ABHD14A: variants seen among roughly 807,000 people sequenced by gnomAD.
The protein encoded by ABHD14A is abhydrolase domain containing 14A.
Under a neutral mutation model 27.0 loss-of-function variants are expected in ABHD14A, and 19 were observed. The ratio of observed to expected loss-of-function variants is 0.70; its 90% CI spans 0.49 to 1.03. The LOEUF (loss-of-function observed/expected upper bound fraction) is 1.03. Among genes scored for constraint, ABHD14A ranks in the 50% least tolerant of loss-of-function variants. ABHD14A has a pLI of 0.00. For synonymous variants in ABHD14A, 148 were observed against 158.8 expected (o/e 0.93, Z 0.51); for missense variants, 311 against 344.6 (o/e 0.90, Z 0.77).
At chr3:51,976,698 A>C (rs764590882) in intron 1 of ABHD14A, among the ~76,000 whole-genome samples, 1 of 151,994 alleles carries the variant, frequency 6.6e-6, no homozygotes, top group Non-Finnish European at 1.5e-5. Context: ...TAAAATAAAG[A>C]TGTGTTTGCT....
Position 51,981,165 on chromosome 3 carries a change from C to A in ABHD14A, c.*147C>A. On this transcript the variant is annotated 3_prime_UTR_variant, in exon 5 of 5. Coordinates refer to ENST00000273596, the MANE Select transcript of ABHD14A (RefSeq NM_015407.5). ...GACTCCTCATTTCATCTCACAGACACAATAAAAAAGCATATTTGTCCTGCC... is the reference window on the plus strand; with the variant it reads ...GACTCCTCATTTCATCTCACAGACAAAATAAAAAAGCATATTTGTCCTGCC... The A allele has an allele frequency of 1.2e-6, 1 of 839,088 alleles. No individual in the cohort carries two copies. The highest frequency in any genetic ancestry group is 1.8e-6 in the Non-Finnish European group (1 of 550,294). 52.0% of individuals were successfully genotyped at this position (839,088 alleles called of 1,614,324 possible).
chr3:51,980,201 C>T (rs930350818), intron 3 of ABHD14A, 192 bp from the exon 4 acceptor site: 42 of 689,712 alleles, frequency 6.1e-5, no homozygotes, highest in African/African-American at 5.3e-4. Context: ...GGATTACAGG[C>T]GTGAGCCACC....
intron 1 of ABHD14A, 100 bp downstream of exon 1, chr3:51,975,304 A>G: frequency 8.9e-7 from 1 of 1,128,788 alleles, no homozygotes; most frequent in Non-Finnish European, 1.1e-6. Flanking sequence ...CCCGCGGAAG[A>G]AGCAGACGCT....
rs752344825 is a variant in ABHD14A, at chr3:51,980,543, G to A, written c.548G>A (p.Arg183Gln). ...CACTATGCCCTGCCCTTCCTGATGC[G>A]AGGCCACCACCAGCTACATGGATTT... The part of the protein sequence containing the change: ...SGHYALPFLM[R>Q]GHHQLHGFVP... The change falls in exon 4 of 5, where the codon CGA becomes CAA. Residue 183 changes from arginine (R) to glutamine (Q), a missense_variant. Coordinates refer to ENST00000273596, the MANE Select transcript of ABHD14A (RefSeq NM_015407.5). 1.9e-5 allele frequency: 30 copies of A among 1,614,000 alleles called. No homozygotes were observed. Among genetic ancestry groups the A allele is most frequent in the South Asian group, 3.3e-5 (3 of 91,084 alleles).
intron 3 of ABHD14A, chr3:51,978,834 C>T (rs1199317245): frequency 4.4e-6 from 1 of 228,806 alleles, no homozygotes; most frequent in South Asian, 4.0e-5. Context: ...TCAGGTGATT[C>T]GCCTGCCTCG....
intron 3 of ABHD14A, among the ~76,000 whole-genome samples, chr3:51,980,072 G>A (rs546677677): frequency 6.6e-5 from 10 of 152,098 alleles, no homozygotes; most frequent in East Asian, 5.8e-4. Flanking sequence ...ACAGGTGCCC[G>A]CCACCTCGCC....
Position 51,977,934 on chromosome 3 carries a change from A to G in ABHD14A, c.133A>G (p.Met45Val). The change falls in exon 2 of 5, where the codon ATG (methionine) becomes GTG (valine). Residue 45 changes from methionine to valine, a missense_variant. Physicochemically the swap from Met to Val is conservative, Grantham distance 21. Transcript: ENST00000273596. ...CCTGCTGGGCCTGAGTCTGCTGCTCATGCTCCTACTGTATGTGGGGCTGCC... is the reference window on the plus strand; with the variant it reads ...CCTGCTGGGCCTGAGTCTGCTGCTCGTGCTCCTACTGTATGTGGGGCTGCC... ...VALLGLSLLLMLLLYVGLPGP... is the reference protein window; with the variant it reads ...VALLGLSLLLVLLLYVGLPGP... 6 of 1,614,126 alleles carry G rather than the reference A, an allele frequency of 3.7e-6. No individual in the cohort carries two copies. Among genetic ancestry groups the G allele is most frequent in the Non-Finnish European group, 4.2e-6 (5 of 1,180,020 alleles).
intron 1 of ABHD14A, 102 bp from the exon 2 acceptor site, chr3:51,977,769 C>T: frequency 6.3e-6 from 7 of 1,118,260 alleles, no homozygotes; most frequent in Non-Finnish European, 9.1e-6. Context: ...AGGGCTGGAG[C>T]TCTTCCTCTG....
At chr3:51,979,101 G>A (rs1037074009) in intron 3 of ABHD14A, 3 of 182,066 alleles carry the variant, frequency 1.6e-5, no homozygotes, top group African/African-American at 7.1e-5. Flanking sequence ...GCTGTTCTGG[G>A]TATTCCCACA....
Position 51,980,507 on chromosome 3 carries a change from C to T in ABHD14A, c.512C>T (p.Ser171Leu), listed in dbSNP as rs781412372. Reference protein sequence around the residue: ...EVQNAVLVSPSLSGHYALPFL... With the variant: ...EVQNAVLVSPLLSGHYALPFL... ...CAGAATGCCGTGTTGGTGAGCCCCT[C>T]GCTGAGTGGCCACTATGCCCTGCCC... Residue 171 changes from serine (S) to leucine (L), a missense_variant, in exon 4 of 5, where the codon TCG (serine) becomes TTG (leucine). Physicochemically the swap from Ser to Leu is moderately radical, Grantham distance 145. Transcript: ENST00000273596. 5.6e-6 allele frequency: 9 copies of T among 1,614,056 alleles called. No individual in the cohort carries two copies. The highest frequency in any genetic ancestry group is 1.7e-5 in the Admixed American group (1 of 60,030).
rs1700833497 is a variant in ABHD14A, at chr3:51,978,287, G to A, written c.310G>A (p.Ala104Thr). 4 of 1,551,694 alleles carry A rather than the reference G, an allele frequency of 2.6e-6. No homozygotes were observed. The highest frequency in any genetic ancestry group is 4.9e-5 in the East Asian group (2 of 40,918). The change falls in exon 3 of 5, where the codon GCC becomes ACC. Residue 104 changes from alanine (A) to threonine (T), a missense_variant. Physicochemically the swap from Ala to Thr is moderately conservative, Grantham distance 58. Transcript: ENST00000273596. ...RVEVVLLHGKAFNSHTWEQLG... is the reference protein window; with the variant it reads ...RVEVVLLHGKTFNSHTWEQLG... ...GGAGGTGGTGCTGCTTCATGGAAAG[G>A]CCTTTAACTCTCACACGTGGGAGCA...
In ABHD14A at chr3:51,980,550, C is replaced by G. The variant is rs141083259; in HGVS notation, c.555C>G (p.His185Gln). Residue 185 changes from histidine to glutamine, a missense_variant, in exon 4 of 5, where the codon CAC (histidine) becomes CAG (glutamine). Coordinates refer to ENST00000273596, the MANE Select transcript of ABHD14A (RefSeq NM_015407.5). Reference protein sequence around the residue: ...HYALPFLMRGHHQLHGFVPIA... With the variant: ...HYALPFLMRGQHQLHGFVPIA... ...CCCTGCCCTTCCTGATGCGAGGCCA[C>G]CACCAGCTACATGGATTTGTGCCCA... is the stretch of plus-strand genomic sequence containing the variant. 1.9e-4 allele frequency: 302 copies of G among 1,614,118 alleles called. 1 individual carries two copies. In the Admixed American group the frequency reaches 4.4e-3, roughly 24 times the overall value.
intron 3 of ABHD14A, chr3:51,978,984 A>G: frequency 3.6e-6 from 1 of 274,528 alleles, no homozygotes. Context: ...AAAAAAATGA[A>G]AAAATGTCGA....
chr3:51,980,629 G>A lies in ABHD14A; in HGVS notation c.633+1G>A. ...CCAGGAGCAATTCTGGGCTGTGAAGGTACTGGGAGAAGGATCTCAAAGGTC... is the reference window on the plus strand; with the variant it reads ...CCAGGAGCAATTCTGGGCTGTGAAGATACTGGGAGAAGGATCTCAAAGGTC... On this transcript the variant is annotated splice_donor_variant, in intron 4 of 4. Coordinates refer to ENST00000273596, the MANE Select transcript of ABHD14A (RefSeq NM_015407.5). LOFTEE classifies it high-confidence loss of function. 1 of 1,612,174 alleles carries A rather than the reference G, an allele frequency of 6.2e-7. No individual in the cohort carries two copies. The highest frequency in any genetic ancestry group is 1.1e-5 in the South Asian group (1 of 90,996).
rs1700901615 is a variant in ABHD14A, at chr3:51,981,147, C to T, written c.*129C>T. 1.1e-6 allele frequency: 1 copy of T among 933,090 alleles called. No individual in the cohort carries two copies. Among genetic ancestry groups the T allele is most frequent in the South Asian group, 1.7e-5 (1 of 59,112 alleles). The allele number at this position is 933,090 out of a possible 1,614,324, so 57.8% of individuals were successfully genotyped here. On this transcript the variant is annotated 3_prime_UTR_variant, in exon 5 of 5. Coordinates refer to ENST00000273596, the MANE Select transcript of ABHD14A (RefSeq NM_015407.5). ...AGGGTCAGACCCAGCCAGGACTCCT[C>T]ATTTCATCTCACAGACACAATAAAA...
chr3:51,980,695 G>C, intron 4 of ABHD14A, 67 bp downstream of exon 4: 1 of 1,570,294 alleles, frequency 6.4e-7, no homozygotes, highest in Non-Finnish European at 8.7e-7. Flanking sequence ...CAGGACTCAA[G>C]TCTTACTTGG....
At chr3:51,977,202 T>G (rs1489342151) in intron 1 of ABHD14A, among the ~76,000 whole-genome samples, 1 of 152,216 alleles carries the variant, frequency 6.6e-6, no homozygotes, top group Non-Finnish European at 1.5e-5. Flanking sequence ...ATTTTAGCAG[T>G]ATTAAATGCA....
At chr3:51,975,658 A>G (rs753343388) in intron 1 of ABHD14A, among the ~76,000 whole-genome samples, 3 of 151,668 alleles carry the variant, frequency 2.0e-5, no homozygotes, top group Non-Finnish European at 4.4e-5. Flanking sequence ...GGTTGTGTGT[A>G]TGACCGTGCT....
rs1700826126 is a variant in ABHD14A at position 51,978,062 on chromosome 3, C to G, written c.261C>G (p.Leu87=). The G allele has an allele frequency of 1.2e-6, 2 of 1,613,764 alleles. No individual in the cohort carries two copies. The highest frequency in any genetic ancestry group is 2.7e-5 in the African/African-American group (2 of 74,926). ...CGCCCATCTTTTACCGCGAGGTGCT[C>G]CCACTCAACCAGGCACACAGGTAGG... ...GNSPIFYREV[L]PLNQAHRVEV... Residue 87 remains leucine, a synonymous_variant, in exon 2 of 5, where the codon CTC becomes CTG. Transcript: ENST00000273596.
Sources: allele counts gnomAD v4.1 joint callset (sites outside exome capture counted in the v4.1 genomes callset), GRCh38; gene constraint gnomAD v4.1.1; transcripts MANE v1.5; gene names NCBI Gene and HGNC (gene_info 2026-07-23, HGNC 2026-07-21).